UTP15: variants seen among roughly 807,000 people sequenced by gnomAD.
UTP15 encodes U3 small nucleolar RNA-associated protein 15 homolog.
UTP15 carries 5 observed loss-of-function variants against 59.1 expected under a neutral mutation model. The observed-to-expected ratio is 0.08, with a 90% CI of 0.04 to 0.18. The LOEUF (loss-of-function observed/expected upper bound fraction) is 0.18, where lower values mean the gene tolerates loss of function less well. UTP15 is among the 10% of genes least tolerant of loss of function. UTP15 has a pLI of 1.00. For missense variants in UTP15, 494 were observed against 616.7 expected, an observed-to-expected ratio of 0.80 and a Z score of 2.11; for synonymous variants, 211 against 212.2, an observed-to-expected ratio of 0.99 and a Z score of 0.05.
intron 9 of UTP15, 33 bp downstream of exon 9, chr5:73,578,038 G>A (rs1454446378): frequency 1.3e-6 from 2 of 1,565,846 alleles, no homozygotes; most frequent in South Asian, 1.2e-5. Context: ...TGTTTAAAGG[G>A]TGAAATTTGT....
chr5:73,578,058 C>G (rs1748156025), intron 9 of UTP15, 53 bp downstream of exon 9: 1 of 1,548,728 alleles, frequency 6.5e-7, no homozygotes, highest in Admixed American at 2.3e-5. Context: ...TTAGAGTAGC[C>G]AGCTTCATCC....
At position 73,579,375 on chromosome 5, in the gene UTP15, G is replaced by C; in HGVS notation, c.1339G>C (p.Asp447His). 6.2e-7 allele frequency: 1 copy of C among 1,600,028 alleles called. No homozygotes were observed. Among genetic ancestry groups the C allele is most frequent in the Non-Finnish European group, 8.5e-7 (1 of 1,173,940 alleles). Residue 447 changes from aspartate to histidine, a missense_variant and splice_region_variant, in exon 12 of 13, where the codon GAT becomes CAT. Transcript: ENST00000296792. ...AATCAATGCTGCTGAAATAATTATTGGTAAGTCATTGTTAAAACTTGAAAA... is the reference window on the plus strand; with the variant it reads ...AATCAATGCTGCTGAAATAATTATTCGTAAGTCATTGTTAAAACTTGAAAA... The part of the protein sequence containing the change: ...VLINAAEIII[D>H]IYLPVIGQSP...
rs1425484803 is a variant in UTP15 at position 73,580,252 on chromosome 5, G to C, written c.*158G>C. 1 of 566,212 alleles carries C rather than the reference G, an allele frequency of 1.8e-6. No homozygotes were observed. Among genetic ancestry groups the C allele is most frequent in the Non-Finnish European group, 3.0e-6 (1 of 331,102 alleles). 35.1% of individuals were successfully genotyped at this position (566,212 alleles called of 1,614,324 possible). A position where few individuals can be genotyped will look rare whatever the true frequency, so the allele number is the denominator to read the frequency against. ...AATTATGGCCGGAAAACAAGTACCC[G>C]TTTTAAGTAAGACATGGTTTTCCAT... On this transcript the variant is annotated 3_prime_UTR_variant, in exon 13 of 13. Transcript: ENST00000296792.
At chr5:73,577,822 G>A (rs1331021854) in intron 8 of UTP15, 34 bp from the exon 9 acceptor site, 1 of 1,554,208 alleles carries the variant, frequency 6.4e-7, no homozygotes, top group Non-Finnish European at 8.7e-7. Flanking sequence ...TACGAGTTAA[G>A]AATAGACTAA....
chr5:73,569,521 A>C lies in UTP15; in HGVS notation c.393A>C (p.Thr131=), dbSNP rs746777232. The C allele has an allele frequency of 3.5e-5, 57 of 1,609,626 alleles. No individual in the cohort carries two copies. The highest frequency in any genetic ancestry group is 4.8e-5 in the Non-Finnish European group (56 of 1,178,170). ...HTKAVHTVDF[T]ADKYHVVSGA... Reference sequence around the variant, plus strand: ...GAGCAGTTCATACAGTAGATTTTACAGCTGACAAATATCACGTGGTCTCTG... The same window carrying C: ...GAGCAGTTCATACAGTAGATTTTACCGCTGACAAATATCACGTGGTCTCTG... The change falls in exon 5 of 13, where the codon ACA becomes ACC. Residue 131 remains threonine (T), a synonymous_variant. Coordinates refer to ENST00000296792, the MANE Select transcript of UTP15 (RefSeq NM_032175.4).
At position 73,568,433 on chromosome 5, in the gene UTP15, G is replaced by A. The variant is rs1747844050; in HGVS notation, c.197G>A (p.Gly66Asp). ...VTASSRIHIYGRYSQEPIKTF... is the reference protein window; with the variant it reads ...VTASSRIHIYDRYSQEPIKTF... ...TTCATCTTGTAGATTCACATTTATG[G>A]CCGATACTCCCAAGAACCTATAAAA... Residue 66 changes from glycine to aspartate, a missense_variant, in exon 4 of 13, where the codon GGC (glycine) becomes GAC (aspartate). Coordinates refer to ENST00000296792, the MANE Select transcript of UTP15 (RefSeq NM_032175.4). 1 of 1,609,250 alleles carries A rather than the reference G, an allele frequency of 6.2e-7. No individual in the cohort carries two copies. Among genetic ancestry groups the A allele is most frequent in the African/African-American group, 1.3e-5 (1 of 74,646 alleles).
In UTP15 at chr5:73,580,212, G is replaced by A. The variant is rs1748259059; in HGVS notation, c.*118G>A. 1 of 724,318 alleles carries A rather than the reference G, an allele frequency of 1.4e-6. No individual in the cohort carries two copies. The highest frequency in any genetic ancestry group is 2.2e-6 in the Non-Finnish European group (1 of 463,240). 44.9% of individuals were successfully genotyped at this position (724,318 alleles called of 1,614,324 possible). The stretch of plus-strand genomic sequence containing the variant: ...AAACTGTTTGCAGAAGCAGTTCTGT[G>A]GAAGAGACTGGAATAATTATGGCCG... On this transcript the variant is annotated 3_prime_UTR_variant, in exon 13 of 13. Coordinates refer to ENST00000296792, the MANE Select transcript of UTP15 (RefSeq NM_032175.4).
Position 73,577,914 on chromosome 5 carries a change from G to T in UTP15, c.953G>T (p.Arg318Leu), listed in dbSNP as rs749890113. ...MTNGILSVKHRKSEAKKESLP... is the reference protein window; with the variant it reads ...MTNGILSVKHLKSEAKKESLP... ...AATGGAATACTGAGTGTTAAACATCGGAAATCTGAAGCAAAGAAGGAATCA... is the reference window on the plus strand; with the variant it reads ...AATGGAATACTGAGTGTTAAACATCTGAAATCTGAAGCAAAGAAGGAATCA... The change falls in exon 9 of 13, where the codon CGG becomes CTG. Residue 318 changes from arginine to leucine, a missense_variant. Transcript: ENST00000296792. 1 of 1,590,562 alleles carries T rather than the reference G, an allele frequency of 6.3e-7. No homozygotes were observed. Among genetic ancestry groups the T allele is most frequent in the Non-Finnish European group, 8.5e-7 (1 of 1,172,492 alleles).
At position 73,577,873 on chromosome 5, in the gene UTP15, A is replaced by G; in HGVS notation, c.912A>G (p.Ile304Met). ...SLALAHEDET[I>M]VVGMTNGILS... The stretch of plus-strand genomic sequence containing the variant: ...GTTATTAGCATGAAGATGAGACAAT[A>G]GTTGTAGGAATGACCAATGGAATAC... Residue 304 changes from isoleucine to methionine, a missense_variant, in exon 9 of 13, where the codon ATA becomes ATG. By Grantham distance (10) the Ile-to-Met change is conservative (BLOSUM62 1). Transcript: ENST00000296792. The G allele has an allele frequency of 6.3e-7, 1 of 1,588,262 alleles. No homozygotes were observed. The highest frequency in any genetic ancestry group is 8.5e-7 in the Non-Finnish European group (1 of 1,171,994).
intron 7 of UTP15, among the ~76,000 whole-genome samples, chr5:73,576,306 G>A (rs550349343): frequency 1.1e-4 from 16 of 149,708 alleles, no homozygotes; most frequent in East Asian, 1.0e-3. Context: ...GGGTTATGCC[G>A]TGTTGGCCAG....
Position 73,581,443 on chromosome 5 carries a change from T to A in UTP15, c.*1349T>A, listed in dbSNP as rs2112065911. On this transcript the variant is annotated 3_prime_UTR_variant, in exon 13 of 13. Coordinates refer to ENST00000296792, the MANE Select transcript of UTP15 (RefSeq NM_032175.4). ...TAGATAATCATTGGCTAGTAACTCC[T>A]AGTACACTGGTTTCACAGTTGCTAC... 6.6e-6 allele frequency: 1 copy of A among 152,328 alleles called. No homozygotes were observed. The highest frequency in any genetic ancestry group is 2.1e-4 in the South Asian group (1 of 4,826). 9.4% of individuals were successfully genotyped at this position (152,328 alleles called of 1,614,324 possible). A position where few individuals can be genotyped will look rare whatever the true frequency, so the allele number is the denominator to read the frequency against.
Position 73,581,496 on chromosome 5 carries a change from C to T in UTP15, c.*1402C>T, listed in dbSNP as rs1301506930. 6.6e-6 allele frequency: 1 copy of T among 152,140 alleles called. No homozygotes were observed. Among genetic ancestry groups the T allele is most frequent in the African/African-American group, 2.4e-5 (1 of 41,418 alleles). 9.4% of individuals were successfully genotyped at this position (152,140 alleles called of 1,614,324 possible). A position where few individuals can be genotyped will look rare whatever the true frequency, so the allele number is the denominator to read the frequency against. The stretch of plus-strand genomic sequence containing the variant: ...CTCCTGCTTTTCTCTAATTATTACG[C>T]CAACTCAAGTAGTTAAAAATCAGTA... On this transcript the variant is annotated 3_prime_UTR_variant, in exon 13 of 13. Transcript: ENST00000296792.
chr5:73,569,729 A>C (rs1294870048), intron 5 of UTP15, 54 bp downstream of exon 5: 1 of 1,437,978 alleles, frequency 7.0e-7, no homozygotes, highest in African/African-American at 1.5e-5. Context: ...GATGTACTTT[A>C]ATGTTGCTAT....
chr5:73,566,156 A>G (rs143905689), intron 1 of UTP15: 19 of 245,430 alleles, frequency 7.7e-5, no homozygotes, highest in East Asian at 7.6e-4. Context: ...ACACATTTCC[A>G]TCTTTGCCTT....
intron 8 of UTP15, among the ~76,000 whole-genome samples, chr5:73,577,498 A>G (rs979506992): frequency 1.4e-4 from 21 of 152,314 alleles, no homozygotes; most frequent in African/African-American, 4.8e-4. Context: ...GCATTTGACT[A>G]TATTATATAG....
chr5:73,576,183 C>T (rs1748084006), intron 7 of UTP15, among the ~76,000 whole-genome samples: 1 of 151,826 alleles, frequency 6.6e-6, no homozygotes, highest in South Asian at 2.1e-4. Flanking sequence ...CGGCTCACTG[C>T]AACCTCTGCC....
intron 2 of UTP15, 132 bp from the exon 3 acceptor site, chr5:73,568,103 G>C: frequency 1.5e-6 from 1 of 658,158 alleles, no homozygotes; most frequent in Non-Finnish European, 2.4e-6. Context: ...TGCTTTCTTT[G>C]TAATTTTATG....
Position 73,568,298 on chromosome 5 carries a change from T to A in UTP15, c.154T>A (p.Tyr52Asn). The stretch of plus-strand genomic sequence containing the variant: ...AGTAGACTTTTCTCCTCAGCCTCCA[T>A]ATAATTATGCTGTCACAGCTTCCTC... ...SKVDFSPQPP[Y>N]NYAVTASSRI... Residue 52 changes from tyrosine to asparagine, a missense_variant, in exon 3 of 13, where the codon TAT becomes AAT. By Grantham distance (143) the Tyr-to-Asn change is moderately radical. Transcript: ENST00000296792. 1 of 1,611,076 alleles carries A rather than the reference T, an allele frequency of 6.2e-7. No individual in the cohort carries two copies. Among genetic ancestry groups the A allele is most frequent in the Non-Finnish European group, 8.5e-7 (1 of 1,179,074 alleles).
chr5:73,571,277 C>G (rs552066506), intron 6 of UTP15, among the ~76,000 whole-genome samples: 39 of 151,094 alleles, frequency 2.6e-4, no homozygotes, highest in African/African-American at 8.3e-4. Flanking sequence ...GTAGGCTTGT[C>G]TCTTTTTCTG....
Sources: gnomAD v4.1 joint callset for allele counts (sites outside exome capture counted in the v4.1 genomes callset) on GRCh38, gnomAD v4.1.1 for gene constraint, MANE v1.5 for transcripts, NCBI Gene and HGNC (gene_info 2026-07-23, HGNC 2026-07-21) for gene names.